The following PRSS3 variants were observed in gnomAD, a reference collection of about 807,000 sequenced individuals.
The protein encoded by PRSS3 is serine protease 3, also known as trypsin-3.
Under a neutral mutation model 20.8 loss-of-function variants are expected in PRSS3, and 14 were observed. That is an observed-to-expected ratio of 0.67 (90% confidence interval 0.44 to 1.05). The LOEUF is 1.05. Ranked by LOEUF, PRSS3 falls within the 50% of genes least tolerant of loss-of-function variation. The probability of loss-of-function intolerance (pLI) is 0.00; values close to 1 mark genes in which losing one functional copy is unlikely to be tolerated. For synonymous variants in PRSS3, 91 were observed against 117.6 expected, an observed-to-expected ratio of 0.77 and a Z score of 1.46; for missense variants, 237 against 306.4, an observed-to-expected ratio of 0.77 and a Z score of 1.69.
At chr9:33,794,715 G>C, upstream of PRSS3, 1 of 1,530,088 alleles carries the variant, frequency 6.5e-7, no homozygotes, top group Non-Finnish European at 8.8e-7. Flanking sequence ...GCCCTGAGCA[G>C]GTGAGTCAGT....
chr9:33,773,567 G>A (rs1421735992), intron 1 of PRSS3, among the ~76,000 whole-genome samples: 1 of 152,186 alleles, frequency 6.6e-6, no homozygotes, highest in Non-Finnish European at 1.5e-5. Context: ...CATATCTCAT[G>A]TGAAATTAAA....
chr9:33,782,857 T>C lies in PRSS3; in HGVS notation c.-52-11889T>C, dbSNP rs1370170813. 3.9e-5 allele frequency among the ~76,000 whole-genome samples: 6 copies of C among 152,332 alleles called. No homozygotes were observed. The East Asian group carries it at 7.7e-4, about 20-fold the overall frequency. On this transcript the variant is annotated intron_variant, in intron 1 of 5. Coordinates refer to the PRSS3 transcript ENST00000342836. ...CATCTACCCCATGAGCCAGCAATTA[T>C]ACTCCTAAGTATTTACTTAAGAGAA...
intron 1 of PRSS3, among the ~76,000 whole-genome samples, chr9:33,771,054 C>T (rs566025518): frequency 1.3e-5 from 2 of 152,234 alleles, no homozygotes; most frequent in South Asian, 2.1e-4. Flanking sequence ...CAGGACAGCC[C>T]CACAACAAAG....
chr9:33,751,681 T>G (rs890648145), intron 1 of PRSS3, among the ~76,000 whole-genome samples: 3 of 152,154 alleles, frequency 2.0e-5, no homozygotes, highest in Non-Finnish European at 4.4e-5. Context: ...CAGATCTGCC[T>G]ACAGCATTTT....
At chr9:33,777,679 C>G (rs927488145) in intron 1 of PRSS3, among the ~76,000 whole-genome samples, 14 of 150,136 alleles carry the variant, frequency 9.3e-5, no homozygotes, top group Admixed American at 2.0e-4. Flanking sequence ...CTGCACTCCA[C>G]CCTGGGCGAC....
At chr9:33,785,531 G>A (rs145229200) in intron 1 of PRSS3, among the ~76,000 whole-genome samples, 1 of 152,232 alleles carries the variant, frequency 6.6e-6, no homozygotes, top group East Asian at 1.9e-4. Context: ...AGACTGAGTT[G>A]AATTAGAATA....
intron 1 of PRSS3, among the ~76,000 whole-genome samples, chr9:33,783,530 GGT>G (rs1052717207): frequency 6.6e-5 from 10 of 152,114 alleles, no homozygotes; most frequent in African/African-American, 2.4e-4. Flanking sequence ...GAATCTAGGT[GGT>G]GGGTACATGC....
At chr9:33,787,260 G>A (rs1186501670) in intron 1 of PRSS3, among the ~76,000 whole-genome samples, 1 of 152,020 alleles carries the variant, frequency 6.6e-6, no homozygotes. Context: ...AAACAAAGCT[G>A]GTATTACATT....
chr9:33,756,176 G>C (rs1822938006), intron 1 of PRSS3, among the ~76,000 whole-genome samples: 1 of 152,092 alleles, frequency 6.6e-6, no homozygotes, highest in Admixed American at 6.6e-5. Flanking sequence ...CTGGGTATGG[G>C]ATATTAATCA....
intron 1 of PRSS3, among the ~76,000 whole-genome samples, chr9:33,758,807 T>A (rs182731619): frequency 1.7e-3 from 262 of 152,338 alleles, no homozygotes; most frequent in Middle Eastern, 6.8e-3. Flanking sequence ...GTTCTCTTGA[T>A]TCAAGATTAA....
upstream of PRSS3, chr9:33,794,821 A>G (rs1041435807): frequency 6.4e-7 from 1 of 1,550,882 alleles, no homozygotes; most frequent in Non-Finnish European, 8.7e-7. Context: ...GTGGCTTCAC[A>G]TTGAAGAAGG....
chr9:33,764,616 A>G (rs1347330084), intron 1 of PRSS3, among the ~76,000 whole-genome samples: 1 of 152,196 alleles, frequency 6.6e-6, no homozygotes, highest in Non-Finnish European at 1.5e-5. Flanking sequence ...GGGTTTTCTG[A>G]CCTTTGGTTA....
chr9:33,765,204 G>A (rs866497138), intron 1 of PRSS3, among the ~76,000 whole-genome samples: 5 of 152,284 alleles, frequency 3.3e-5, no homozygotes, highest in Middle Eastern at 3.4e-3. Context: ...TGCTAAAACC[G>A]TGGATAGTTA....
intron 1 of PRSS3, among the ~76,000 whole-genome samples, chr9:33,785,442 G>T (rs10114742): frequency 0.056 from 8,504 of 152,050 alleles, 809 homozygotes; most frequent in African/African-American, 0.19. Flanking sequence ...CTCCCAAAGT[G>T]CTGGGATTAC....
intron 1 of PRSS3, among the ~76,000 whole-genome samples, chr9:33,783,989 A>T (rs889312732): frequency 3.3e-5 from 5 of 152,062 alleles, no homozygotes; most frequent in Admixed American, 1.3e-4. Flanking sequence ...CACTTACAAG[A>T]CTGTCTCTGG....
intron 1 of PRSS3, among the ~76,000 whole-genome samples, chr9:33,771,498 G>A (rs1365967971): frequency 6.6e-6 from 1 of 151,034 alleles, no homozygotes; most frequent in Non-Finnish European, 1.5e-5. Flanking sequence ...GCTGATTTTT[G>A]TATTTTTAGT....
intron 1 of PRSS3, among the ~76,000 whole-genome samples, chr9:33,756,906 A>G (rs1822975696): frequency 6.6e-6 from 1 of 152,204 alleles, no homozygotes; most frequent in South Asian, 2.1e-4. Context: ...ATACATGTTT[A>G]GGGATGCTGT....
At chr9:33,768,864 A>G (rs1193385700) in intron 1 of PRSS3, among the ~76,000 whole-genome samples, 1 of 152,226 alleles carries the variant, frequency 6.6e-6, no homozygotes, top group Non-Finnish European at 1.5e-5. Flanking sequence ...TCCACAAAAA[A>G]ATAAAAATAA....
At chr9:33,760,003 C>G (rs1376523644) in intron 1 of PRSS3, among the ~76,000 whole-genome samples, 1 of 152,090 alleles carries the variant, frequency 6.6e-6, no homozygotes, top group Non-Finnish European at 1.5e-5. Context: ...GGCAGAGAGC[C>G]CAAGCCTTGA....
Sources: allele counts gnomAD v4.1 joint callset (sites outside exome capture counted in the v4.1 genomes callset), GRCh38; gene constraint gnomAD v4.1.1; transcripts MANE v1.5; gene names NCBI Gene and HGNC (gene_info 2026-07-23, HGNC 2026-07-21).